DOCK4: variants seen among roughly 807,000 people sequenced by gnomAD.
The protein encoded by DOCK4 is dedicator of cytokinesis 4.
A neutral mutation model predicts 268.1 loss-of-function variants in DOCK4; 97 were observed. The observed-to-expected ratio is 0.36, with a 90% confidence interval of 0.31 to 0.43. The LOEUF (loss-of-function observed/expected upper bound fraction) is 0.43. Ranked by LOEUF, DOCK4 falls within the 20% of genes least tolerant of loss-of-function variation. The pLI is 1.00. For synonymous variants in DOCK4, 954 were observed against 887.2 expected, an observed-to-expected ratio of 1.08 and a Z score of -1.34; for missense variants, 2,145 against 2,455.7, an observed-to-expected ratio of 0.87 and a Z score of 2.67.
chr7:112,062,136 A>T (rs1806468594), intron 1 of DOCK4, among the ~76,000 whole-genome samples: 1 of 152,174 alleles, frequency 6.6e-6, no homozygotes, highest in African/African-American at 2.4e-5. Flanking sequence ...TCATTTGGTG[A>T]GCTAGTTAAT....
At chr7:111,914,832 G>A (rs571505890) in intron 13 of DOCK4, among the ~76,000 whole-genome samples, 1 of 152,028 alleles carries the variant, frequency 6.6e-6, no homozygotes, top group Non-Finnish European at 1.5e-5. Context: ...AAGTCCTATG[G>A]GTTTCTTCTG....
In DOCK4 at chr7:111,981,943, A is replaced by G. The variant is rs375977772; in HGVS notation, c.549+2363T>C. The stretch of plus-strand genomic sequence containing the variant: ...ATGTTACATGAAAAGAACAGAGACA[A>G]AATTACATACGCACAAAACCAAACT... On this transcript the variant is annotated intron_variant, in intron 7 of 52. Transcript: ENST00000428084. Among the ~76,000 whole-genome samples the G allele has an allele frequency of 4.6e-5, 7 of 152,346 alleles. No homozygotes were observed. In the East Asian group the frequency reaches 1.3e-3, roughly 29 times the overall value.
intron 1 of DOCK4, among the ~76,000 whole-genome samples, chr7:112,130,185 C>T (rs1813675264): frequency 6.6e-6 from 1 of 152,130 alleles, no homozygotes; most frequent in Non-Finnish European, 1.5e-5. Flanking sequence ...TGGACAGCAT[C>T]CCAGTCTTGG....
At position 111,864,517 on chromosome 7, in the gene DOCK4, G is replaced by A. The variant is rs756672452; in HGVS notation, c.2281-953C>T. 5.9e-5 allele frequency among the ~76,000 whole-genome samples: 9 copies of A among 152,274 alleles called. No individual in the cohort carries two copies. The South Asian group carries it at 8.3e-4, about 14-fold the overall frequency. On this transcript the variant is annotated intron_variant, in intron 22 of 52. Coordinates refer to ENST00000428084, the MANE Select transcript of DOCK4 (RefSeq NM_001363540.2). ...CTGACTCCATCAGAAAATAGGTCGCGTCTACATGTGCTGATGATTCAAACA... is the reference window on the plus strand; with the variant it reads ...CTGACTCCATCAGAAAATAGGTCGCATCTACATGTGCTGATGATTCAAACA...
At chr7:112,171,236 T>C (rs1440854115) in intron 1 of DOCK4, among the ~76,000 whole-genome samples, 2 of 152,164 alleles carry the variant, frequency 1.3e-5, no homozygotes, top group Non-Finnish European at 2.9e-5. Context: ...TCCTTTTAAA[T>C]GGAAAAATAA....
chr7:112,011,353 G>A (rs749525856), intron 1 of DOCK4, among the ~76,000 whole-genome samples: 4 of 152,156 alleles, frequency 2.6e-5, no homozygotes, highest in Non-Finnish European at 5.9e-5. Context: ...CCTCTTACAA[G>A]CTTTCAAGCA....
intron 1 of DOCK4, among the ~76,000 whole-genome samples, chr7:112,173,324 T>C (rs944924573): frequency 6.6e-6 from 1 of 152,178 alleles, no homozygotes; most frequent in Non-Finnish European, 1.5e-5. Flanking sequence ...AACACAACTG[T>C]TTCAACTCAA....
In DOCK4 at chr7:111,955,916, TG is replaced by T. The variant is rs564659170; in HGVS notation, c.702-10119del. Among the ~76,000 whole-genome samples, 25 of 152,324 alleles carry T rather than the reference TG, an allele frequency of 1.6e-4. No homozygotes were observed. In the East Asian group the frequency reaches 4.8e-3, roughly 29 times the overall value. On this transcript the variant is annotated intron_variant, in intron 8 of 52. Transcript: ENST00000428084. ...GTAAAATCCTTAGAAAAAGGCCTGC[TG>T]TATAACTAAACTGAGAAAAATACTT...
chr7:111,900,066 T>C (rs1362172826), intron 15 of DOCK4, among the ~76,000 whole-genome samples: 1 of 152,246 alleles, frequency 6.6e-6, no homozygotes, highest in Non-Finnish European at 1.5e-5. Context: ...CAGATATGCA[T>C]CTGAACTGGC....
At chr7:111,794,663 G>A (rs915496089) in intron 30 of DOCK4, among the ~76,000 whole-genome samples, 1 of 152,202 alleles carries the variant, frequency 6.6e-6, no homozygotes, top group African/African-American at 2.4e-5. Flanking sequence ...ACTGCTCTGG[G>A]TGCTTTACAT....
At position 111,944,879 on chromosome 7, in the gene DOCK4, CA is replaced by C; in HGVS notation, c.784-9del. 6.2e-7 allele frequency: 1 copy of C among 1,613,822 alleles called. No individual in the cohort carries two copies. The highest frequency in any genetic ancestry group is 8.5e-7 in the Non-Finnish European group (1 of 1,179,818). On this transcript the variant is annotated splice_polypyrimidine_tract_variant and intron_variant, in intron 9 of 52. Transcript: ENST00000428084. The stretch of plus-strand genomic sequence containing the variant: ...CTCACTGCTGCCCAAATCCTACAAA[CA>C]AAGAAAGTTTGGTTATTTTGGAAGA...
At chr7:111,948,904 G>C (rs1795835586) in intron 8 of DOCK4, among the ~76,000 whole-genome samples, 1 of 148,166 alleles carries the variant, frequency 6.7e-6, no homozygotes, top group Non-Finnish European at 1.5e-5. Context: ...AACGAAACAT[G>C]CTTAGAAAAA....
chr7:111,870,967 G>A (rs1806377286), intron 20 of DOCK4, among the ~76,000 whole-genome samples: 1 of 152,142 alleles, frequency 6.6e-6, no homozygotes, highest in African/African-American at 2.4e-5. Flanking sequence ...TTCACTCTCA[G>A]CAAAAAATCA....
chr7:111,775,011 C>A (rs1389066305), intron 36 of DOCK4, among the ~76,000 whole-genome samples: 1 of 152,194 alleles, frequency 6.6e-6, no homozygotes, highest in Non-Finnish European at 1.5e-5. Flanking sequence ...ACTCTGCTGA[C>A]AGTTCAGAGG....
chr7:111,923,949 T>C (rs755265313), intron 12 of DOCK4, among the ~76,000 whole-genome samples: 7 of 152,258 alleles, frequency 4.6e-5, no homozygotes, highest in Non-Finnish European at 8.8e-5. Context: ...AGAAGTTCTA[T>C]TTACTTCTCT....
At chr7:111,839,601 C>T (rs969132579) in intron 25 of DOCK4, among the ~76,000 whole-genome samples, 7 of 152,144 alleles carry the variant, frequency 4.6e-5, no homozygotes, top group African/African-American at 1.7e-4. Context: ...GACTTATGCC[C>T]ATTGCAATAA....
intron 8 of DOCK4, among the ~76,000 whole-genome samples, chr7:111,974,650 G>C (rs1175498459): frequency 6.6e-6 from 1 of 150,858 alleles, no homozygotes; most frequent in African/African-American, 2.4e-5. Flanking sequence ...TGGAGGGAGA[G>C]ACCAGGGGGA....
chr7:111,748,707 C>CAT (rs61043807), intron 42 of DOCK4, among the ~76,000 whole-genome samples: 145,006 of 151,706 alleles, frequency 0.96, 69,334 homozygotes, highest in Middle Eastern at 0.98. Context: ...GATATATATA[C>CAT]ATGTGTGTGT....
chr7:111,750,998 C>T (rs1796602094), intron 42 of DOCK4, among the ~76,000 whole-genome samples: 1 of 151,652 alleles, frequency 6.6e-6, no homozygotes, highest in African/African-American at 2.4e-5. Flanking sequence ...TTTCTCTTTA[C>T]AGAGTATTCC....
Sources: gnomAD v4.1 joint callset for allele counts (sites outside exome capture counted in the v4.1 genomes callset) on GRCh38, gnomAD v4.1.1 for gene constraint, MANE v1.5 for transcripts, NCBI Gene and HGNC (gene_info 2026-07-23, HGNC 2026-07-21) for gene names.